RNF115: variants seen among roughly 807,000 people sequenced by gnomAD.
The protein encoded by RNF115 is E3 ubiquitin-protein ligase RNF115.
In RNF115, 31 loss-of-function variants were observed where a neutral mutation model predicts 39.2. The ratio of observed to expected loss-of-function variants is 0.79; its 90% confidence interval spans 0.59 to 1.07. The LOEUF is 1.07. Among genes scored for constraint, RNF115 ranks in the 50% least tolerant of loss-of-function variants. RNF115 has a pLI of 0.00. For missense variants in RNF115, 384 were observed against 381.7 expected (o/e 1.01, Z -0.05); for synonymous variants, 124 against 131.0 (o/e 0.95, Z 0.37).
In RNF115 at chr1:145,746,419, A is replaced by T. The variant is rs781852494; in HGVS notation, c.*447T>A. ...ATCAAGAGTAGTTTTTTTTTTTTTT[A>T]AATACAATTAAGACAAAAGGACTTT... On this transcript the variant is annotated 3_prime_UTR_variant, in exon 9 of 9. Coordinates refer to ENST00000582693, the MANE Select transcript of RNF115 (RefSeq NM_014455.4). 581 of 145,988 alleles carry T rather than the reference A, an allele frequency of 4.0e-3. 2 individuals carry two copies. Among genetic ancestry groups the T allele is most frequent in the Non-Finnish European group, 6.1e-3 (409 of 67,038 alleles). 9.0% of individuals were successfully genotyped at this position (145,988 alleles called of 1,614,324 possible).
At chr1:145,757,165 G>A (rs897119491) in intron 4 of RNF115, among the ~76,000 whole-genome samples, 22 of 152,120 alleles carry the variant, frequency 1.4e-4, no homozygotes, top group African/African-American at 4.6e-4. Flanking sequence ...ACTATCAACC[G>A]TTGGATTAGG....
chr1:145,749,184 G>A (rs921364058), intron 7 of RNF115, among the ~76,000 whole-genome samples: 34 of 151,956 alleles, frequency 2.2e-4, no homozygotes, highest in African/African-American at 7.7e-4. Context: ...ATTTGGAGCA[G>A]TACTACTACT....
chr1:145,782,885 G>A (rs1648211880), intron 3 of RNF115, among the ~76,000 whole-genome samples: 1 of 152,070 alleles, frequency 6.6e-6, no homozygotes, highest in South Asian at 2.1e-4. Context: ...TTTTTGAGAT[G>A]GAGTCTCGCT....
intron 2 of RNF115, among the ~76,000 whole-genome samples, chr1:145,786,758 G>A (rs1553718133): frequency 6.6e-6 from 1 of 152,216 alleles, no homozygotes; most frequent in Non-Finnish European, 1.5e-5. Flanking sequence ...ATAAGTGCCT[G>A]AAATAAGTTA....
rs1553711473 is a variant in RNF115, at chr1:145,744,868, ATG to A, written c.*1996_*1997del. On this transcript the variant is annotated 3_prime_UTR_variant, in exon 9 of 9. Coordinates refer to ENST00000582693, the MANE Select transcript of RNF115 (RefSeq NM_014455.4). ...ATTCTTGACCTTCTTAATTTATCCA[ATG>A]TTAAACACTTGAATGCTACAAAGAG... is the stretch of plus-strand genomic sequence containing the variant. 6.6e-6 allele frequency: 1 copy of A among 152,058 alleles called. No homozygotes were observed. The highest frequency in any genetic ancestry group is 1.5e-5 in the Non-Finnish European group (1 of 68,034). 9.4% of individuals were successfully genotyped at this position (152,058 alleles called of 1,614,324 possible).
rs142911120 is a variant in RNF115 at position 145,800,967 on chromosome 1, G to A, written c.103-12001C>T. 4.8e-3 allele frequency among the ~76,000 whole-genome samples: 732 copies of A among 152,064 alleles called. 7 individuals carry two copies. Among genetic ancestry groups the A allele is most frequent in the African/African-American group, 0.017 (698 of 41,476 alleles). On this transcript the variant is annotated intron_variant, in intron 1 of 8. Transcript: ENST00000582693. ...GGGCAGATCACAAAGTCAGGAGATC[G>A]AGACCATCCTGGCTAACACGGTGAA...
In RNF115 at chr1:145,771,929, A is replaced by C; in HGVS notation, c.220-10T>G. The C allele has an allele frequency of 6.2e-7, 1 of 1,607,156 alleles. No homozygotes were observed. Among genetic ancestry groups the C allele is most frequent in the Non-Finnish European group, 8.5e-7 (1 of 1,176,666 alleles). On this transcript the variant is annotated splice_polypyrimidine_tract_variant and intron_variant, in intron 3 of 8. Coordinates refer to ENST00000582693, the MANE Select transcript of RNF115 (RefSeq NM_014455.4). ...CCAAATGGCCCCAAAGCTAGTAAAG[A>C]CCAGAAATAAGTCACATGTTAGAAA...
At chr1:145,765,497 T>C (rs1000205868) in intron 4 of RNF115, among the ~76,000 whole-genome samples, 76 of 152,298 alleles carry the variant, frequency 5.0e-4, no homozygotes, top group Non-Finnish European at 9.4e-4. Context: ...CTGGATGGAA[T>C]TTCTCTTAAA....
At chr1:145,773,477 A>G (rs1423233863) in intron 3 of RNF115, 2 of 152,152 alleles carry the variant, frequency 1.3e-5, no homozygotes, top group Non-Finnish European at 2.9e-5. Context: ...AGAAAAAAAA[A>G]AGAAAGAAAA....
chr1:145,822,714 C>T (rs1482678704), intron 1 of RNF115, among the ~76,000 whole-genome samples: 11 of 149,810 alleles, frequency 7.3e-5, no homozygotes, highest in Non-Finnish European at 1.5e-4. Flanking sequence ...CAACCCAAAA[C>T]AGTTTCTGGG....
In RNF115 at chr1:145,753,046, T is replaced by C. The variant is rs782519782; in HGVS notation, c.432A>G (p.Ile144Met). Reference sequence around the variant, plus strand: ...AGAATCCTGCAAAGATGTGTTGTAGTATTCTGTTACAGAAGAAAAAATTAG... The same window carrying C: ...AGAATCCTGCAAAGATGTGTTGTAGCATTCTGTTACAGAAGAAAAAATTAG... ...RPDRSPAIEG[I>M]LQHIFAGFFA... is the part of the protein sequence containing the mutation. Residue 144 changes from isoleucine to methionine, a missense_variant, in exon 5 of 9, where the codon ATA becomes ATG. Transcript: ENST00000582693. The C allele has an allele frequency of 6.2e-7, 1 of 1,606,358 alleles. No individual in the cohort carries two copies. The highest frequency in any genetic ancestry group is 1.7e-5 in the Admixed American group (1 of 59,942).
rs112253009 is a variant in RNF115, at chr1:145,788,544, G to C, written c.161+364C>G. ...CAGCAGTTTACCTTCAGACAGCAGA[G>C]TGGTCACTAAAAACCAACTAATAAT... On this transcript the variant is annotated intron_variant, in intron 2 of 8. Transcript: ENST00000582693. Among the ~76,000 whole-genome samples the C allele has an allele frequency of 5.3e-4, 81 of 152,170 alleles. 1 individual carries two copies. The highest frequency in any genetic ancestry group is 1.9e-4 in the Non-Finnish European group (13 of 68,040).
chr1:145,814,695 G>C (rs1208879452), intron 1 of RNF115, among the ~76,000 whole-genome samples: 3 of 151,968 alleles, frequency 2.0e-5, no homozygotes, highest in Admixed American at 6.6e-5. Context: ...TCAATTTTCA[G>C]ATTTTTTTCT....
At chr1:145,785,190 T>C (rs140055284) in intron 2 of RNF115, among the ~76,000 whole-genome samples, 86 of 152,270 alleles carry the variant, frequency 5.6e-4, no homozygotes, top group African/African-American at 2.0e-3. Context: ...CACTCTCACT[T>C]TGATTCTAAA....
At chr1:145,815,474 T>C (rs1204329110) in intron 1 of RNF115, among the ~76,000 whole-genome samples, 1 of 152,282 alleles carries the variant, frequency 6.6e-6, no homozygotes, top group African/African-American at 2.4e-5. Flanking sequence ...CTCTACCAGA[T>C]TTAATCACAT....
At position 145,751,484 on chromosome 1, in the gene RNF115, C is replaced by T. The variant is rs782424630; in HGVS notation, c.527G>A (p.Gly176Glu). 6.3e-7 allele frequency: 1 copy of T among 1,598,332 alleles called. No homozygotes were observed. The highest frequency in any genetic ancestry group is 8.5e-7 in the Non-Finnish European group (1 of 1,172,090). The change falls in exon 6 of 9, where the codon GGG becomes GAG. Residue 176 changes from glycine to glutamate, a missense_variant. Transcript: ENST00000582693. Reference sequence around the variant, plus strand: ...CCCTGTCTGACCCCAGGCATAGTCCCCAGGGTTGGAGTGCAGCATCCCGCT... The same window carrying T: ...CCCTGTCTGACCCCAGGCATAGTCCTCAGGGTTGGAGTGCAGCATCCCGCT... ...SWSGMLHSNP[G>E]DYAWGQTGLD...
intron 2 of RNF115, chr1:145,787,121 C>G: frequency 1.2e-6 from 1 of 808,564 alleles, no homozygotes. Flanking sequence ...CAAAGTCACT[C>G]CAAGATTAAG....
chr1:145,763,967 G>C (rs998350240), intron 4 of RNF115, among the ~76,000 whole-genome samples: 4 of 136,026 alleles, frequency 2.9e-5, no homozygotes, highest in Non-Finnish European at 6.1e-5. Context: ...ATGCCGAGCC[G>C]AAGCTGGACT....
chr1:145,773,252 A>G (rs1553716018), intron 3 of RNF115: 1 of 152,108 alleles, frequency 6.6e-6, no homozygotes, highest in East Asian at 1.9e-4. Context: ...TGAATGAAGC[A>G]TATTTTCTAG....
Sources: allele counts gnomAD v4.1 joint callset (sites outside exome capture counted in the v4.1 genomes callset), GRCh38; gene constraint gnomAD v4.1.1; transcripts MANE v1.5; gene names NCBI Gene and HGNC (gene_info 2026-07-23, HGNC 2026-07-21).